TBX22: variants seen among roughly 807,000 people sequenced by gnomAD.
The protein encoded by TBX22 is T-box transcription factor 22.
Under a neutral mutation model 30.1 loss-of-function variants are expected in TBX22, and 8 were observed. The observed-to-expected ratio is 0.27, with a 90% CI of 0.16 to 0.48. The LOEUF (loss-of-function observed/expected upper bound fraction) is 0.48, where lower values mean the gene tolerates loss of function less well. Ranked by LOEUF, TBX22 falls within the 20% of genes least tolerant of loss-of-function variation. TBX22 has a pLI of 0.99. For missense variants in TBX22, 463 were observed against 400.5 expected (o/e 1.16, Z -1.33); for synonymous variants, 173 against 149.1 (o/e 1.16, Z -1.17).
intron 1 of TBX22, among the ~76,000 whole-genome samples, chrX:80,018,293 T>G (rs1298253806): frequency 8.9e-6 from 1 of 112,374 alleles, no homozygotes; most frequent in Admixed American, 9.5e-5. Flanking sequence ...TACATTGCAT[T>G]GGTAAATACC....
intron 1 of TBX22, among the ~76,000 whole-genome samples, chrX:80,016,696 C>T (rs1923450794): frequency 9.0e-6 from 1 of 111,241 alleles, no homozygotes; most frequent in Non-Finnish European, 1.9e-5. Context: ...CTCTGACTCT[C>T]ATCCTCATTT....
At chrX:80,024,723 G>T (rs1399892809) in intron 4 of TBX22, among the ~76,000 whole-genome samples, 1 of 111,620 alleles carries the variant, frequency 9.0e-6, no homozygotes, top group East Asian at 2.8e-4. Flanking sequence ...GGTCTTAGAG[G>T]GTACAAGTAT....
Position 80,031,479 on chromosome X carries a change from T to G in TBX22, c.*368T>G. The G allele has an allele frequency of 6.3e-6, 1 of 159,293 alleles. No individual in the cohort carries two copies. The highest frequency in any genetic ancestry group is 1.2e-5 in the Non-Finnish European group (1 of 82,879). 13.1% of individuals were successfully genotyped at this position (159,293 alleles called of 1,213,427 possible). ...CACATTGACAATGACAAAAAGAAGATGGATGTAATTCTCATGAAAGCAGTG... is the reference window on the plus strand; with the variant it reads ...CACATTGACAATGACAAAAAGAAGAGGGATGTAATTCTCATGAAAGCAGTG... On this transcript the variant is annotated 3_prime_UTR_variant, in exon 9 of 9. Coordinates refer to ENST00000373296, the MANE Select transcript of TBX22 (RefSeq NM_001109878.2).
At chrX:80,018,097 G>T (rs899235991) in intron 1 of TBX22, among the ~76,000 whole-genome samples, 1 of 111,979 alleles carries the variant, frequency 8.9e-6, no homozygotes, top group Non-Finnish European at 1.9e-5. Flanking sequence ...AAGACTAGAT[G>T]AATAAAAGCA....
intron 3 of TBX22, 170 bp downstream of exon 3, chrX:80,023,410 G>C: frequency 2.0e-6 from 1 of 488,445 alleles, no homozygotes; most frequent in East Asian, 3.7e-5. Flanking sequence ...ATAGGGCTCG[G>C]ACTTACCTGG....
intron 8 of TBX22, among the ~76,000 whole-genome samples, chrX:80,028,325 C>A (rs1924081272): frequency 8.9e-6 from 1 of 112,059 alleles, no homozygotes; most frequent in Non-Finnish European, 1.9e-5. Flanking sequence ...TTATCTTACA[C>A]CCTGTGATTT....
intron 4 of TBX22, 135 bp downstream of exon 4, chrX:80,024,299 G>C: frequency 1.8e-6 from 1 of 549,739 alleles, no homozygotes; most frequent in East Asian, 3.5e-5. Context: ...TCTCCTGTGG[G>C]CTTTAGGAGT....
intron 7 of TBX22, 26 bp downstream of exon 7, chrX:80,027,346 A>G: frequency 1.3e-6 from 1 of 791,658 alleles, no homozygotes; most frequent in East Asian, 3.2e-5. Flanking sequence ...ATGACATCTA[A>G]TATTGATGTA....
intron 8 of TBX22, among the ~76,000 whole-genome samples, chrX:80,030,270 C>T (rs1924181795): frequency 8.9e-6 from 1 of 111,836 alleles, no homozygotes; most frequent in African/African-American, 3.2e-5. Context: ...AGGCTACAGA[C>T]CTGTACCAGT....
chrX:80,019,791 C>G (rs1451358640), intron 1 of TBX22, among the ~76,000 whole-genome samples: 1 of 111,401 alleles, frequency 9.0e-6, no homozygotes, highest in African/African-American at 3.3e-5. Context: ...AGCTACATAT[C>G]TCCCAGTGAT....
Position 80,030,925 on chromosome X carries a change from C to T in TBX22, c.1377C>T (p.Ile459=). 1.7e-6 allele frequency: 2 copies of T among 1,211,076 alleles called. No individual in the cohort carries two copies. Among genetic ancestry groups the T allele is most frequent in the South Asian group, 3.5e-5 (2 of 57,014 alleles). The stretch of plus-strand genomic sequence containing the variant: ...GAAATATTTTTCTGCCAAACTCCAT[C>T]ACCCCAGAAGCACTTAGTTGCTCCT... The part of the protein sequence containing the change: ...SPGNIFLPNS[I]TPEALSCSFH... Residue 459 remains isoleucine (I), a synonymous_variant, in exon 9 of 9, where the codon ATC becomes ATT. Transcript: ENST00000373296.
chrX:80,021,186 C>A (rs762233761), intron 1 of TBX22, among the ~76,000 whole-genome samples: 1 of 112,226 alleles, frequency 8.9e-6, no homozygotes, highest in East Asian at 2.8e-4. Flanking sequence ...TGTGCACATT[C>A]TTGGGAGCAA....
intron 1 of TBX22, among the ~76,000 whole-genome samples, chrX:80,021,053 A>G (rs932807221): frequency 9.0e-6 from 1 of 110,876 alleles, no homozygotes; most frequent in African/African-American, 3.3e-5. Context: ...TGGATGTTGT[A>G]GACAAGTCTC....
chrX:80,026,642 A>G (rs749087659), intron 5 of TBX22, 62 bp from the exon 6 acceptor site: 1 of 1,102,077 alleles, frequency 9.1e-7, no homozygotes, highest in African/African-American at 1.8e-5. Context: ...TGGTCAGGAG[A>G]GGGAACTAGG....
At chrX:80,027,937 A>T (rs1924057737) in intron 7 of TBX22, 54 bp from the exon 8 acceptor site, 1 of 934,027 alleles carries the variant, frequency 1.1e-6, no homozygotes, top group Non-Finnish European at 1.6e-6. Flanking sequence ...ACTCAAAATC[A>T]TTATTTTCAG....
At position 80,026,834 on chromosome X, in the gene TBX22, A is replaced by C; in HGVS notation, c.764A>C (p.Glu255Ala). 1 of 1,211,763 alleles carries C rather than the reference A, an allele frequency of 8.3e-7. No individual in the cohort carries two copies. The highest frequency in any genetic ancestry group is 1.1e-6 in the Non-Finnish European group (1 of 895,466). The change falls in exon 6 of 9, where the codon GAG (glutamate) becomes GCG (alanine). Residue 255 changes from glutamate to alanine, a missense_variant. Physicochemically the swap from Glu to Ala is moderately radical, Grantham distance 107. Coordinates refer to ENST00000373296, the MANE Select transcript of TBX22 (RefSeq NM_001109878.2). ...GVKTFSFKET[E>A]FTTVTAYQNQ... The stretch of plus-strand genomic sequence containing the variant: ...AAAACATTCTCCTTTAAAGAAACTG[A>C]GTTCACCACAGTAACGGCTTACCAA...
chrX:80,023,881 C>T (rs1256567145), intron 3 of TBX22, among the ~76,000 whole-genome samples, 182 bp from the exon 4 acceptor site: 1 of 111,773 alleles, frequency 8.9e-6, no homozygotes, highest in Non-Finnish European at 1.9e-5. Context: ...CGTACTTGTT[C>T]GGTCAAGTAT....
chrX:80,019,870 A>T (rs1199926769), intron 1 of TBX22, among the ~76,000 whole-genome samples: 1 of 111,793 alleles, frequency 8.9e-6, no homozygotes, highest in Non-Finnish European at 1.9e-5. Flanking sequence ...ATTCTGGATG[A>T]CTAAATTACA....
chrX:80,025,690 A>C lies in TBX22; in HGVS notation c.546A>C (p.Ser182=). 8.3e-7 allele frequency: 1 copy of C among 1,208,644 alleles called. No individual in the cohort carries two copies. Among genetic ancestry groups the C allele is most frequent in the Non-Finnish European group, 1.1e-6 (1 of 892,951 alleles). The change falls in exon 5 of 9, where the codon TCA becomes TCC. Residue 182 remains serine, a synonymous_variant. Coordinates refer to ENST00000373296, the MANE Select transcript of TBX22 (RefSeq NM_001109878.2). The part of the protein sequence containing the change: ...IIPRFYVHPD[S]PCSGETWMRQ... ...CTAGATTCTATGTTCACCCGGACTC[A>C]CCCTGCTCGGGAGAGACCTGGATGC...
Sources: allele counts gnomAD v4.1 joint callset (sites outside exome capture counted in the v4.1 genomes callset), GRCh38; gene constraint gnomAD v4.1.1; transcripts MANE v1.5; gene names NCBI Gene and HGNC (gene_info 2026-07-23, HGNC 2026-07-21).